STIP1: variants seen among roughly 807,000 people sequenced by gnomAD.
The protein encoded by STIP1 is stress-induced-phosphoprotein 1.
In STIP1, 16 loss-of-function variants were observed where a neutral mutation model predicts 77.4. That is an observed-to-expected ratio of 0.21 (90% CI 0.14 to 0.31). The LOEUF is 0.31. Ranked by LOEUF, STIP1 falls within the 10% of genes least tolerant of loss-of-function variation. The pLI is 1.00. For synonymous variants in STIP1, 258 were observed against 246.6 expected (o/e 1.05, Z -0.44); for missense variants, 524 against 684.8 (o/e 0.77, Z 2.62).
chr11:64,187,761 G>C (rs917685893), intron 1 of STIP1, among the ~76,000 whole-genome samples: 1 of 152,118 alleles, frequency 6.6e-6, no homozygotes, highest in African/African-American at 2.4e-5. Context: ...CAGCACTTTG[G>C]GAGGCCGAGG....
chr11:64,203,115 C>G lies in STIP1; in HGVS notation c.1283-10C>G, dbSNP rs567398134. ...GCGGTTGGATAACGCGCCACCTTTC[C>G]TGTTTGTAGTCAAGGGTTATACACG... On this transcript the variant is annotated splice_polypyrimidine_tract_variant and intron_variant, in intron 11 of 13. Transcript: ENST00000305218. The G allele has an allele frequency of 1.2e-6, 2 of 1,614,156 alleles. No individual in the cohort carries two copies. Among genetic ancestry groups the G allele is most frequent in the South Asian group, 1.1e-5 (1 of 91,074 alleles).
chr11:64,194,138 A>G (rs1946121625), intron 2 of STIP1, 51 bp from the exon 3 acceptor site: 1 of 1,573,314 alleles, frequency 6.4e-7, no homozygotes, highest in Non-Finnish European at 8.6e-7. Flanking sequence ...TTCGTCTTCT[A>G]GATTTACCTC....
intron 1 of STIP1, 39 bp downstream of exon 1, chr11:64,186,309 CG>C: frequency 1.5e-5 from 4 of 275,460 alleles, no homozygotes; most frequent in Non-Finnish European, 1.8e-5. Flanking sequence ...CGAGCCTGCT[CG>C]GGGACCGGCG....
Position 64,204,284 on chromosome 11 carries a change from C to T in STIP1, c.*158C>T. The stretch of plus-strand genomic sequence containing the variant: ...GAAGACACAGAGACTCGTACCTGCG[C>T]TGTTTGTGCCGCCGCTGCCTCTGGG... On this transcript the variant is annotated 3_prime_UTR_variant, in exon 14 of 14. Coordinates refer to ENST00000305218, the MANE Select transcript of STIP1 (RefSeq NM_006819.3). The T allele has an allele frequency of 1.4e-6, 1 of 707,302 alleles. No homozygotes were observed. Among genetic ancestry groups the T allele is most frequent in the Non-Finnish European group, 2.3e-6 (1 of 436,726 alleles). The allele number at this position is 707,302 out of a possible 1,614,324, so 43.8% of individuals were successfully genotyped here. A position where few individuals can be genotyped will look rare whatever the true frequency, so the allele number is the denominator to read the frequency against.
Position 64,193,297 on chromosome 11 carries a change from G to A in STIP1, c.219+10G>A, listed in dbSNP as rs1306428238. ...GCCTGACTGGGGCAAGGTCAGCTGT[G>A]GGCAGTGGAGGGAGAGAGGCCCTTC... On this transcript the variant is annotated intron_variant, in intron 2 of 13. Coordinates refer to ENST00000305218, the MANE Select transcript of STIP1 (RefSeq NM_006819.3). 1.2e-6 allele frequency: 2 copies of A among 1,614,062 alleles called. No homozygotes were observed. The highest frequency in any genetic ancestry group is 1.3e-5 in the African/African-American group (1 of 75,044).
At chr11:64,186,111 C>A (rs931118554), upstream of STIP1, 7 of 1,550,340 alleles carry the variant, frequency 4.5e-6, no homozygotes, top group South Asian at 7.1e-5. Context: ...CACAGACATT[C>A]CCCCTAGAAG....
chr11:64,187,684 T>C (rs1282696444), intron 1 of STIP1, among the ~76,000 whole-genome samples: 1 of 152,188 alleles, frequency 6.6e-6, no homozygotes, highest in Non-Finnish European at 1.5e-5. Context: ...ATTTCTGGAA[T>C]AAGACGTTGC....
At chr11:64,202,133 C>G (rs1402342492) in intron 10 of STIP1, among the ~76,000 whole-genome samples, 2 of 152,224 alleles carry the variant, frequency 1.3e-5, no homozygotes, top group Admixed American at 1.3e-4. Context: ...CTCACCAGAC[C>G]AAGGCCTGAT....
At chr11:64,185,864 A>C (rs761261854), upstream of STIP1, 29 of 1,536,190 alleles carry the variant, frequency 1.9e-5, no homozygotes, top group East Asian at 3.2e-4. Context: ...GGAAATTTCC[A>C]GAACGATCAG....
intron 1 of STIP1, among the ~76,000 whole-genome samples, chr11:64,187,650 G>A (rs1194600852): frequency 3.3e-5 from 5 of 152,156 alleles, no homozygotes; most frequent in Non-Finnish European, 7.3e-5. Context: ...GGGTTAAATG[G>A]GCTGTAGTAT....
At chr11:64,200,537 GTGTGTGTA>G (rs1165455124) in intron 10 of STIP1, among the ~76,000 whole-genome samples, 1 of 151,800 alleles carries the variant, frequency 6.6e-6, no homozygotes, top group African/African-American at 2.4e-5. Context: ...ATAGGGGTGT[GTGTGTGTA>G]TGTGTGTGTG....
chr11:64,200,337 T>A (rs759627844), intron 10 of STIP1, 44 bp downstream of exon 10: 3 of 1,569,332 alleles, frequency 1.9e-6, no homozygotes, highest in South Asian at 2.4e-5. Flanking sequence ...AGCCTGCACA[T>A]GAGGAGTGGG....
chr11:64,203,710 G>A (rs780240771), intron 13 of STIP1, 88 bp downstream of exon 13: 27 of 1,531,390 alleles, frequency 1.8e-5, no homozygotes, highest in Admixed American at 3.6e-5. Flanking sequence ...GGTATGCTCA[G>A]TCTGCGAGGA....
chr11:64,185,756 C>G (rs574578029), upstream of STIP1: 333 of 1,518,822 alleles, frequency 2.2e-4, 1 homozygote, highest in African/African-American at 3.8e-3. Flanking sequence ...CGATTTAAAC[C>G]AATCAGCGCA....
At position 64,186,261 on chromosome 11, in the gene STIP1, T is replaced by C; in HGVS notation, c.-1T>C. 6.5e-7 allele frequency: 1 copy of C among 1,546,326 alleles called. No homozygotes were observed. The highest frequency in any genetic ancestry group is 8.7e-7 in the Non-Finnish European group (1 of 1,146,228). On this transcript the variant is annotated 5_prime_UTR_variant, in exon 1 of 14. Transcript: ENST00000305218. ...AACGGGGTTCCGGACCGCGCTGCGC[T>C]ATGGAGCAGGTGAAGGGGGAGGGGC...
At chr11:64,195,042 A>G (rs1484052918) in intron 4 of STIP1, among the ~76,000 whole-genome samples, 2 of 152,004 alleles carry the variant, frequency 1.3e-5, no homozygotes, top group Non-Finnish European at 2.9e-5. Flanking sequence ...ACCTAAAACA[A>G]CTCATTCCTC....
chr11:64,194,347 G>C lies in STIP1; in HGVS notation c.361+17G>C. 3 of 1,611,970 alleles carry C rather than the reference G, an allele frequency of 1.9e-6. No homozygotes were observed. The highest frequency in any genetic ancestry group is 2.2e-5 in the South Asian group (2 of 90,560). On this transcript the variant is annotated intron_variant, in intron 3 of 13. Transcript: ENST00000305218. ...GGTTGGCAGGTAGGTACCACGCACA[G>C]TTTTCTTTCTTATTATTAATGTGAT...
In STIP1 at chr11:64,195,638, A is replaced by G. The variant is rs780814390; in HGVS notation, c.504-7A>G. 10 of 1,591,308 alleles carry G rather than the reference A, an allele frequency of 6.3e-6. No homozygotes were observed. The highest frequency in any genetic ancestry group is 1.4e-5 in the African/African-American group (1 of 73,758). ...AATTTTTCTTTATTTTTTTAAATCA[A>G]TACTAGGAAACTACAAGATCCCCGG... On this transcript the variant is annotated splice_polypyrimidine_tract_variant and splice_region_variant and intron_variant, in intron 4 of 13. Transcript: ENST00000305218.
chr11:64,187,089 A>G (rs998389331), intron 1 of STIP1, among the ~76,000 whole-genome samples: 2 of 152,090 alleles, frequency 1.3e-5, no homozygotes, highest in Middle Eastern at 3.4e-3. Flanking sequence ...GTTGTAGACA[A>G]TTTACAGAGA....
Sources: allele counts gnomAD v4.1 joint callset (sites outside exome capture counted in the v4.1 genomes callset), GRCh38; gene constraint gnomAD v4.1.1; transcripts MANE v1.5; gene names NCBI Gene and HGNC (gene_info 2026-07-23, HGNC 2026-07-21).